The following CLASP2 variants were observed in gnomAD, a reference collection of about 807,000 sequenced individuals.
CLASP2 encodes the protein CLIP-associating protein 2.
Under a neutral mutation model 194.4 loss-of-function variants are expected in CLASP2, and 47 were observed. The observed-to-expected ratio is 0.24, with a 90% CI of 0.19 to 0.31. CLASP2 has a LOEUF of 0.31. Ranked by LOEUF, CLASP2 falls within the 10% of genes least tolerant of loss-of-function variation. CLASP2 has a pLI of 1.00. For synonymous variants in CLASP2, 619 were observed against 633.5 expected, an observed-to-expected ratio of 0.98 and a Z score of 0.34; for missense variants, 1,445 against 1,823.6, an observed-to-expected ratio of 0.79 and a Z score of 3.78.
chr3:33,580,683 C>A (rs922596997), intron 23 of CLASP2, among the ~76,000 whole-genome samples: 1 of 151,910 alleles, frequency 6.6e-6, no homozygotes, highest in African/African-American at 2.4e-5. Context: ...GTCCAAAGAG[C>A]AACCTTCTAA....
intron 22 of CLASP2, among the ~76,000 whole-genome samples, chr3:33,584,461 C>T (rs1156526782): frequency 2.0e-5 from 3 of 150,664 alleles, no homozygotes; most frequent in East Asian, 2.0e-4. Flanking sequence ...TTAGTAGAGA[C>T]GGGGGTATTG....
chr3:33,705,106 C>G (rs2092610611), intron 1 of CLASP2, among the ~76,000 whole-genome samples: 1 of 152,178 alleles, frequency 6.6e-6, no homozygotes, highest in Non-Finnish European at 1.5e-5. Flanking sequence ...TCAATGTTCA[C>G]TGCAGCATTA....
intron 10 of CLASP2, among the ~76,000 whole-genome samples, chr3:33,626,192 T>A (rs2078019188): frequency 6.6e-6 from 1 of 152,030 alleles, no homozygotes; most frequent in African/African-American, 2.4e-5. Context: ...GTTCATAGTG[T>A]CATAAAAGCC....
chr3:33,609,279 C>G (rs2074598698), intron 13 of CLASP2, among the ~76,000 whole-genome samples: 1 of 151,836 alleles, frequency 6.6e-6, no homozygotes, highest in South Asian at 2.1e-4. Flanking sequence ...GAACCTGTCT[C>G]AAAAATAAAT....
chr3:33,664,276 C>CA (rs933878826), intron 6 of CLASP2, among the ~76,000 whole-genome samples: 2 of 151,126 alleles, frequency 1.3e-5, no homozygotes, highest in Non-Finnish European at 3.0e-5. Flanking sequence ...ACTGACAGCA[C>CA]TTTTTTTTTA....
At chr3:33,559,423 G>T in intron 28 of CLASP2, 38 bp from the exon 29 acceptor site, 1 of 1,251,434 alleles carries the variant, frequency 8.0e-7, no homozygotes, top group Non-Finnish European at 1.1e-6. Flanking sequence ...CAAAAATTTA[G>T]TTAGCAAGTA....
chr3:33,498,927 A>G (rs2046184689), intron 38 of CLASP2, among the ~76,000 whole-genome samples: 1 of 152,164 alleles, frequency 6.6e-6, no homozygotes, highest in Non-Finnish European at 1.5e-5. Flanking sequence ...AAAGTCAAAA[A>G]AGTTTCTAAG....
At chr3:33,709,923 A>G (rs1248082438) in intron 1 of CLASP2, among the ~76,000 whole-genome samples, 1 of 152,188 alleles carries the variant, frequency 6.6e-6, no homozygotes, top group East Asian at 1.9e-4. Flanking sequence ...ATTGTTTTAT[A>G]ATTGTGATGA....
chr3:33,557,823 T>C (rs898379284), intron 29 of CLASP2, among the ~76,000 whole-genome samples: 7 of 152,124 alleles, frequency 4.6e-5, no homozygotes, highest in Non-Finnish European at 5.9e-5. Context: ...TGAGTGTAAG[T>C]TGTGAAAGGA....
At chr3:33,631,104 C>A (rs1296015252) in intron 9 of CLASP2, among the ~76,000 whole-genome samples, 1 of 152,064 alleles carries the variant, frequency 6.6e-6, no homozygotes, top group Non-Finnish European at 1.5e-5. Flanking sequence ...AAAGGTAATA[C>A]AGGCAATAGA....
At chr3:33,690,062 G>T in intron 2 of CLASP2, 130 bp from the exon 3 acceptor site, 4 of 532,352 alleles carry the variant, frequency 7.5e-6, no homozygotes, top group Non-Finnish European at 9.4e-6. Context: ...ATTGTTTTAA[G>T]TTCTTTACAC....
intron 27 of CLASP2, 35 bp from the exon 28 acceptor site, chr3:33,561,006 A>C (rs762708482): frequency 4.4e-6 from 7 of 1,587,048 alleles, no homozygotes; most frequent in Middle Eastern, 1.7e-4. Flanking sequence ...AGGGAGAAAA[A>C]AAGAGGAAAT....
intron 4 of CLASP2, among the ~76,000 whole-genome samples, chr3:33,687,820 TAC>T (rs1368945648): frequency 6.6e-6 from 1 of 152,324 alleles, no homozygotes; most frequent in African/African-American, 2.4e-5. Flanking sequence ...GCCAGAACTC[TAC>T]ACACAGCTAC....
At chr3:33,603,195 G>C (rs942104077) in intron 17 of CLASP2, 70 bp from the exon 18 acceptor site, 11 of 1,424,370 alleles carry the variant, frequency 7.7e-6, no homozygotes, top group Non-Finnish European at 1.0e-5. Context: ...ATATAAACCT[G>C]ACCACCATGA....
chr3:33,659,975 T>C (rs2085009284), intron 7 of CLASP2, among the ~76,000 whole-genome samples: 2 of 152,258 alleles, frequency 1.3e-5, no homozygotes, highest in Non-Finnish European at 1.5e-5. Flanking sequence ...TTTATTTTAT[T>C]GCCAGCCTCC....
intron 36 of CLASP2, among the ~76,000 whole-genome samples, chr3:33,515,002 A>G (rs1477253242): frequency 2.6e-5 from 4 of 152,202 alleles, no homozygotes; most frequent in South Asian, 2.1e-4. Flanking sequence ...GTTCTCATTC[A>G]TAAGTGGGAG....
At chr3:33,537,521 G>C (rs147364820) in intron 33 of CLASP2, among the ~76,000 whole-genome samples, 28 of 152,314 alleles carry the variant, frequency 1.8e-4, no homozygotes, top group African/African-American at 6.0e-4. Flanking sequence ...TAAGCTGTCA[G>C]AGAAAAGTCT....
At chr3:33,684,532 A>G (rs2090344161) in intron 5 of CLASP2, 76 bp from the exon 6 acceptor site, 1 of 905,138 alleles carries the variant, frequency 1.1e-6, no homozygotes, top group African/African-American at 1.7e-5. Context: ...GTAACATTAC[A>G]CTAACAGACC....
At chr3:33,679,866 T>A (rs920025900) in intron 6 of CLASP2, among the ~76,000 whole-genome samples, 1 of 152,188 alleles carries the variant, frequency 6.6e-6, no homozygotes, top group Admixed American at 6.5e-5. Context: ...TGCAACACAG[T>A]GATTGCATTC....
Sources: allele counts gnomAD v4.1 joint callset (sites outside exome capture counted in the v4.1 genomes callset), GRCh38; gene constraint gnomAD v4.1.1; transcripts MANE v1.5; gene names NCBI Gene and HGNC (gene_info 2026-07-23, HGNC 2026-07-21).